The following CACNG7 variants were observed in gnomAD, a reference collection of about 807,000 sequenced individuals.
The protein encoded by CACNG7 is calcium voltage-gated channel auxiliary subunit gamma 7.
A neutral mutation model predicts 26.3 loss-of-function variants in CACNG7; 9 were observed. The observed-to-expected ratio is 0.34, with a 90% CI of 0.21 to 0.60. CACNG7 has a LOEUF of 0.60. CACNG7 is among the 20% of genes least tolerant of loss of function. The pLI, the probability that CACNG7 is intolerant of heterozygous loss-of-function variation, is 0.81. For synonymous variants in CACNG7, 170 were observed against 157.0 expected (o/e 1.08, Z -0.62); for missense variants, 297 against 380.4 (o/e 0.78, Z 1.82).
rs1600002643 is a variant in CACNG7, at chr19:53,938,953, CAAA to C, written c.425-2515_425-2513del. On this transcript the variant is annotated intron_variant, in intron 4 of 5. Transcript: ENST00000391767. Reference sequence around the variant, plus strand: ...ACAGAGCAAGACCCTGTCTTCAAAACAAAACAAAACAAAACAAAAAAGGCCGGG... The same window carrying C: ...ACAGAGCAAGACCCTGTCTTCAAAACACAAAACAAAACAAAAAAGGCCGGG... 6.8e-4 allele frequency among the ~76,000 whole-genome samples: 3 copies of C among 4,432 alleles called. No individual in the cohort carries two copies. In the East Asian group the frequency reaches 0.031, roughly 46 times the overall value. The allele number at this position is 4,432 out of a possible 152,430, so 2.9% of individuals were successfully genotyped here.
At position 53,914,599 on chromosome 19, in the gene CACNG7, G is replaced by A. The variant is rs75256458; in HGVS notation, c.283+13G>A. 6.2e-7 allele frequency: 1 copy of A among 1,610,672 alleles called. No homozygotes were observed. The highest frequency in any genetic ancestry group is 8.5e-7 in the Non-Finnish European group (1 of 1,176,904). On this transcript the variant is annotated intron_variant, in intron 3 of 5. Transcript: ENST00000391767. ...GAGAATATTCTGAGTGAGGGGATGTGGGGGCACCTAGGCACAAGACAGCAA... is the reference window on the plus strand; with the variant it reads ...GAGAATATTCTGAGTGAGGGGATGTAGGGGCACCTAGGCACAAGACAGCAA...
At chr19:53,916,487 C>CTT (rs397706471) in intron 4 of CACNG7, among the ~76,000 whole-genome samples, 3,179 of 95,374 alleles carry the variant, frequency 0.033, 395 homozygotes, top group African/African-American at 0.11. Context: ...TTCTTTCTTT[C>CTT]TTTTTTTTTT....
At chr19:53,916,630 AG>A (rs1331987411) in intron 4 of CACNG7, among the ~76,000 whole-genome samples, 3 of 149,218 alleles carry the variant, frequency 2.0e-5, no homozygotes, top group African/African-American at 7.4e-5. Context: ...CTGGGATTAC[AG>A]GCATGTGCCA....
chr19:53,920,483 T>C (rs1324689392), intron 4 of CACNG7, among the ~76,000 whole-genome samples: 1 of 45,390 alleles, frequency 2.2e-5, no homozygotes, highest in Non-Finnish European at 3.7e-5. Flanking sequence ...ATTGGTGGAG[T>C]TGCCCCAGGT....
Position 53,933,297 on chromosome 19 carries a change from ATTT to A in CACNG7, c.425-8154_425-8152del, listed in dbSNP as rs1009491295. Among the ~76,000 whole-genome samples the A allele has an allele frequency of 9.7e-3, 1,222 of 126,022 alleles. 20 individuals carry two copies. The highest frequency in any genetic ancestry group is 0.034 in the African/African-American group (1,135 of 33,348). 82.7% of individuals were successfully genotyped at this position (126,022 alleles called of 152,430 possible). ...AGGTGCCCGCCACCACGCCTGGCCAATTTTTTTTTTTTTTTTTTTTTGAGATGG... is the reference window on the plus strand; with the variant it reads ...AGGTGCCCGCCACCACGCCTGGCCAATTTTTTTTTTTTTTTTTTGAGATGG... On this transcript the variant is annotated intron_variant, in intron 4 of 5. Transcript: ENST00000391767.
At chr19:53,921,794 GT>G (rs1432262743) in intron 4 of CACNG7, among the ~76,000 whole-genome samples, 14 of 68,100 alleles carry the variant, frequency 2.1e-4, no homozygotes, top group African/African-American at 2.6e-4. Flanking sequence ...TGGTGGAGTT[GT>G]CCCCAGGTCT....
intron 4 of CACNG7, among the ~76,000 whole-genome samples, chr19:53,930,530 G>A (rs1434975776): frequency 1.3e-4 from 20 of 152,048 alleles, no homozygotes; most frequent in Non-Finnish European, 2.1e-4. Flanking sequence ...CTGCCACCAC[G>A]CTCTGCTAAT....
intron 2 of CACNG7, among the ~76,000 whole-genome samples, 195 bp downstream of exon 2, chr19:53,913,222 C>A (rs934788513): frequency 3.3e-5 from 5 of 152,062 alleles, no homozygotes; most frequent in Non-Finnish European, 2.9e-5. Context: ...ATGCTCCAGG[C>A]CCCTAACCCC....
intron 4 of CACNG7, among the ~76,000 whole-genome samples, chr19:53,920,885 T>TCCCAGGTCTGGTCATTGGTGGAGTTGTC (rs1568773753): frequency 9.9e-5 from 10 of 100,576 alleles, no homozygotes; most frequent in African/African-American, 1.4e-4. Context: ...GGTGGAGTTG[T>TCCCAGGTCTGGTCATTGGTGGAGTTGTC]CCCAGGTCTG....
chr19:53,941,674 G>T, intron 5 of CACNG7, 59 bp downstream of exon 5: 1 of 1,567,628 alleles, frequency 6.4e-7, no homozygotes, highest in Non-Finnish European at 8.6e-7. Flanking sequence ...TTGGGGGCCT[G>T]GTTCCTGAGT....
chr19:53,923,984 C>T lies in CACNG7; in HGVS notation c.424+8479C>T, dbSNP rs530649695. Among the ~76,000 whole-genome samples, 423 of 141,330 alleles carry T rather than the reference C, an allele frequency of 3.0e-3. 1 individual carries two copies. The highest frequency in any genetic ancestry group is 4.8e-3 in the Non-Finnish European group (310 of 65,208). 92.7% of individuals were successfully genotyped at this position (141,330 alleles called of 152,430 possible). A position where few individuals can be genotyped will look rare whatever the true frequency, so the allele number is the denominator to read the frequency against. ...GGTCTGGTATTGGTGGAGTTGTCCC[C>T]AGGCCTGGTCATTGGTGGAGTTGTC... On this transcript the variant is annotated intron_variant, in intron 4 of 5. Coordinates refer to ENST00000391767, the MANE Select transcript of CACNG7 (RefSeq NM_031896.5).
rs756987711 is a variant in CACNG7, at chr19:53,912,900, G to A, written c.69G>A (p.Leu23=). 1 of 1,614,060 alleles carries A rather than the reference G, an allele frequency of 6.2e-7. No individual in the cohort carries two copies. Among genetic ancestry groups the A allele is most frequent in the East Asian group, 2.2e-5 (1 of 44,880 alleles). ...SSVFGACGLL[L]VGIAVSTDYW... ...TGTTTGGTGCGTGTGGCCTGCTCCT[G>A]GTAGGCATCGCGGTCAGCACTGACT... Residue 23 remains leucine, a synonymous_variant, in exon 2 of 6, where the codon CTG becomes CTA. Coordinates refer to ENST00000391767, the MANE Select transcript of CACNG7 (RefSeq NM_031896.5). The surrounding 1 kb of genome is among the most constrained non-coding windows in gnomAD (Gnocchi z 4.6).
chr19:53,920,775 G>C (rs374880068), intron 4 of CACNG7, among the ~76,000 whole-genome samples: 1,121 of 70,942 alleles, frequency 0.016, 34 homozygotes, highest in Middle Eastern at 0.039. Flanking sequence ...CATTGGTGGA[G>C]TTGCCCCAGG....
intron 4 of CACNG7, among the ~76,000 whole-genome samples, chr19:53,924,821 C>G (rs2069010593): frequency 1.5e-5 from 2 of 130,776 alleles, no homozygotes; most frequent in Non-Finnish European, 3.2e-5. Context: ...TGCCCCAGGT[C>G]TGGTCATTGG....
chr19:53,913,801 A>G (rs962222196), intron 2 of CACNG7, among the ~76,000 whole-genome samples: 70 of 150,942 alleles, frequency 4.6e-4, no homozygotes, highest in Non-Finnish European at 8.8e-4. Context: ...AAAAAAAAAA[A>G]AAAAAAAGAA....
At chr19:53,920,908 G>A in intron 4 of CACNG7, among the ~76,000 whole-genome samples, 1 of 117,852 alleles carries the variant, frequency 8.5e-6, no homozygotes, top group Non-Finnish European at 1.8e-5. Context: ...CATTGGTGGA[G>A]TTGTCCCCAG....
At chr19:53,935,655 TTTGAG>T (rs2069100335) in intron 4 of CACNG7, among the ~76,000 whole-genome samples, 1 of 144,856 alleles carries the variant, frequency 6.9e-6, no homozygotes, top group African/African-American at 2.6e-5. Flanking sequence ...TTTTTTTTTT[TTTGAG>T]TTGGAGTTTT....
intron 4 of CACNG7, among the ~76,000 whole-genome samples, chr19:53,927,278 T>C (rs976900713): frequency 7.2e-5 from 11 of 152,138 alleles, no homozygotes; most frequent in Admixed American, 2.6e-4. Context: ...GAGGTGTTGT[T>C]TGTATGAAGT....
chr19:53,932,283 A>G (rs2069078391), intron 4 of CACNG7, among the ~76,000 whole-genome samples: 1 of 151,200 alleles, frequency 6.6e-6, no homozygotes, highest in African/African-American at 2.4e-5. Context: ...GAATTAAAAA[A>G]TAAAATAAAA....
Sources: gnomAD v4.1 joint callset for allele counts (sites outside exome capture counted in the v4.1 genomes callset) on GRCh38, gnomAD v4.1.1 for gene constraint, Gnocchi (gnomAD v3.1) non-coding constraint, MANE v1.5 for transcripts, NCBI Gene and HGNC (gene_info 2026-07-23, HGNC 2026-07-21) for gene names.